Variants in HAND2 observed in about 807,000 individuals in gnomAD.
The protein encoded by HAND2 is heart and neural crest derivatives expressed 2.
A neutral mutation model predicts 14.7 loss-of-function variants in HAND2; 2 were observed. That is an observed-to-expected ratio of 0.14 (90% CI 0.06 to 0.43). The LOEUF is 0.43. Ranked by LOEUF, HAND2 falls within the 20% of genes least tolerant of loss-of-function variation. The pLI is 0.99. For missense variants in HAND2, 275 were observed against 313.6 expected (o/e 0.88, Z 0.93); for synonymous variants, 162 against 135.9 (o/e 1.19, Z -1.34).
Position 173,527,235 on chromosome 4 carries a change from C to G in HAND2, c.*42G>C, listed in dbSNP as rs778857884. The G allele has an allele frequency of 2.2e-6, 3 of 1,375,508 alleles. No individual in the cohort carries two copies. Among genetic ancestry groups the G allele is most frequent in the South Asian group, 2.3e-5 (2 of 86,668 alleles). 85.2% of individuals were successfully genotyped at this position (1,375,508 alleles called of 1,614,324 possible). A position where few individuals can be genotyped will look rare whatever the true frequency, so the allele number is the denominator to read the frequency against. ...CTGGGTCTGCATCTGGCGCCTTGGC[C>G]CCTGCTCACTCGCGCTCTCCTCCTC... is the stretch of plus-strand genomic sequence containing the variant. On this transcript the variant is annotated 3_prime_UTR_variant, in exon 2 of 2. Transcript: ENST00000359562.
Position 173,527,091 on chromosome 4 carries a change from G to T in HAND2, c.*186C>A. On this transcript the variant is annotated 3_prime_UTR_variant, in exon 2 of 2. Transcript: ENST00000359562. ...CCACTTTTTTTTTGGAGGGGGAGAC[G>T]GGGAGCAGATGCCTCAAAGGGGGTC... The T allele has an allele frequency of 1.4e-6, 1 of 700,584 alleles. No homozygotes were observed. The highest frequency in any genetic ancestry group is 1.5e-5 in the South Asian group (1 of 66,902). The allele number at this position is 700,584 out of a possible 1,614,324, so 43.4% of individuals were successfully genotyped here.
In HAND2 at chr4:173,529,109, C is replaced by T. The variant is rs1731607195; in HGVS notation, c.181G>A (p.Ala61Thr). 3 of 1,499,532 alleles carry T rather than the reference C, an allele frequency of 2.0e-6. No individual in the cohort carries two copies. The highest frequency in any genetic ancestry group is 5.0e-5 in the Admixed American group (2 of 40,230). 92.9% of individuals were successfully genotyped at this position (1,499,532 alleles called of 1,614,324 possible). A position where few individuals can be genotyped will look rare whatever the true frequency, so the allele number is the denominator to read the frequency against. The change falls in exon 1 of 2, where the codon GCC becomes ACC. Residue 61 changes from alanine (A) to threonine (T), a missense_variant. Ala to Thr is a moderately conservative substitution (Grantham distance 58). Transcript: ENST00000359562. ...GCATACTCGGGGCTGTAGGACAGGGCCATGCTGTAGTCGGGGGGCGACATC... is the reference window on the plus strand; with the variant it reads ...GCATACTCGGGGCTGTAGGACAGGGTCATGCTGTAGTCGGGGGGCGACATC... The part of the protein sequence containing the change: ...PEMSPPDYSM[A>T]LSYSPEYASG...
rs1731627752 is a variant in HAND2 at position 173,529,392 on chromosome 4, AC to A, written c.-104del. On this transcript the variant is annotated 5_prime_UTR_variant, in exon 1 of 2. Transcript: ENST00000359562. ...CGCTCGGCGTCCTCCCCCACCCCCC[AC>A]CCCCCAGCCCCCGGGCGCCCGGGCC... The A allele has an allele frequency of 1.5e-5, 10 of 688,246 alleles. No homozygotes were observed. Among genetic ancestry groups the A allele is most frequent in the East Asian group, 1.1e-4 (2 of 17,966 alleles). The allele number at this position is 688,246 out of a possible 1,614,324, so 42.6% of individuals were successfully genotyped here. A position where few individuals can be genotyped will look rare whatever the true frequency, so the allele number is the denominator to read the frequency against.
At position 173,529,373 on chromosome 4, in the gene HAND2, G is replaced by T; in HGVS notation, c.-84C>A. 2 of 1,079,056 alleles carry T rather than the reference G, an allele frequency of 1.9e-6. No individual in the cohort carries two copies. The highest frequency in any genetic ancestry group is 2.3e-6 in the Non-Finnish European group (2 of 858,784). The allele number at this position is 1,079,056 out of a possible 1,614,324, so 66.8% of individuals were successfully genotyped here. ...GCCCGGGCCCCTGCCTCAGCGCTCG[G>T]CGTCCTCCCCCACCCCCCACCCCCC... On this transcript the variant is annotated 5_prime_UTR_variant, in exon 1 of 2. Coordinates refer to ENST00000359562, the MANE Select transcript of HAND2 (RefSeq NM_021973.3).
chr4:173,528,940 C>T lies in HAND2; in HGVS notation c.350G>A (p.Ser117Asn), dbSNP rs1162160014. ...GCACTCGCGCAGTTCGGCGAAGGCG[C>T]TGTTGATGCTCTGAGTCCTGCGCCG... ...KERRRTQSINSAFAELRECIP... is the reference protein window; with the variant it reads ...KERRRTQSINNAFAELRECIP... Residue 117 changes from serine to asparagine, a missense_variant, in exon 1 of 2, where the codon AGC (serine) becomes AAC (asparagine). By Grantham distance (46) the Ser-to-Asn change is conservative. This residue lies in a region of HAND2 where 34 missense variants were observed against 77.9 expected (regional missense o/e 0.44). Transcript: ENST00000359562. This position sits in a 1 kb window ranked among gnomAD's most constrained non-coding sequence, Gnocchi z 5.6. The T allele has an allele frequency of 1.2e-6, 2 of 1,613,986 alleles. No individual in the cohort carries two copies. The highest frequency in any genetic ancestry group is 1.1e-5 in the South Asian group (1 of 91,074).
At position 173,528,781 on chromosome 4, in the gene HAND2, T is replaced by C; in HGVS notation, c.509A>G (p.Glu170Gly). Residue 170 changes from glutamate to glycine, a missense_variant, in exon 1 of 2, where the codon GAG (glutamate) becomes GGG (glycine). This residue lies in a region of HAND2 where 54 missense variants were observed against 54.3 expected (regional missense o/e 0.99). Coordinates refer to ENST00000359562, the MANE Select transcript of HAND2 (RefSeq NM_021973.3). This position sits in a 1 kb window ranked among gnomAD's most constrained non-coding sequence, Gnocchi z 5.6. ...QNGEAEAFKA[E>G]IKKTDVKEEK... is the part of the protein sequence containing the mutation. Reference sequence around the variant, plus strand: ...CTCTTTCACGTCGGTCTTCTTGATCTCTGCCTTGAAGGCCTCCGCCTCGCC... The same window carrying C: ...CTCTTTCACGTCGGTCTTCTTGATCCCTGCCTTGAAGGCCTCCGCCTCGCC... 6.2e-7 allele frequency: 1 copy of C among 1,614,206 alleles called. No homozygotes were observed. Among genetic ancestry groups the C allele is most frequent in the African/African-American group, 1.3e-5 (1 of 75,070 alleles).
Position 173,526,781 on chromosome 4 carries a change from C to T in HAND2, c.*496G>A, listed in dbSNP as rs1731464795. The T allele has an allele frequency of 2.8e-6, 1 of 354,434 alleles. No homozygotes were observed. The highest frequency in any genetic ancestry group is 5.6e-6 in the Non-Finnish European group (1 of 180,026). The allele number at this position is 354,434 out of a possible 1,614,324, so 22.0% of individuals were successfully genotyped here. On this transcript the variant is annotated 3_prime_UTR_variant, in exon 2 of 2. Coordinates refer to ENST00000359562, the MANE Select transcript of HAND2 (RefSeq NM_021973.3). Reference sequence around the variant, plus strand: ...GAATGGATAGCACTAGATACCGACCCCAACGGAAATGTTAGCGGCCCTGTT... The same window carrying T: ...GAATGGATAGCACTAGATACCGACCTCAACGGAAATGTTAGCGGCCCTGTT...
At position 173,529,379 on chromosome 4, in the gene HAND2, TCCCCCAC is replaced by T. The variant is rs1303375987; in HGVS notation, c.-97_-91del. ...GCCCCTGCCTCAGCGCTCGGCGTCC[TCCCCCAC>T]CCCCCACCCCCCAGCCCCCGGGCGC... On this transcript the variant is annotated 5_prime_UTR_variant, in exon 1 of 2. Transcript: ENST00000359562. 4 of 903,686 alleles carry T rather than the reference TCCCCCAC, an allele frequency of 4.4e-6. No individual in the cohort carries two copies. Among genetic ancestry groups the T allele is most frequent in the Middle Eastern group, 4.2e-4 (1 of 2,406 alleles). The allele number at this position is 903,686 out of a possible 1,614,324, so 56.0% of individuals were successfully genotyped here.
Position 173,529,372 on chromosome 4 carries a change from G to A in HAND2, c.-83C>T. ...GGCCCGGGCCCCTGCCTCAGCGCTC[G>A]GCGTCCTCCCCCACCCCCCACCCCC... is the stretch of plus-strand genomic sequence containing the variant. On this transcript the variant is annotated 5_prime_UTR_variant, in exon 1 of 2. Transcript: ENST00000359562. 3 of 1,085,160 alleles carry A rather than the reference G, an allele frequency of 2.8e-6. No individual in the cohort carries two copies. The highest frequency in any genetic ancestry group is 3.5e-6 in the Non-Finnish European group (3 of 864,312). 67.2% of individuals were successfully genotyped at this position (1,085,160 alleles called of 1,614,324 possible). A position where few individuals can be genotyped will look rare whatever the true frequency, so the allele number is the denominator to read the frequency against.
Position 173,528,964 on chromosome 4 carries a change from C to G in HAND2, c.326G>C (p.Arg109Pro). Reference protein sequence around the residue: ...KRRGTANRKERRRTQSINSAF... With the variant: ...KRRGTANRKEPRRTQSINSAF... Reference sequence around the variant, plus strand: ...GCTGTTGATGCTCTGAGTCCTGCGCCGCTCCTTGCGGTTGGCGGTGCCTCG... The same window carrying G: ...GCTGTTGATGCTCTGAGTCCTGCGCGGCTCCTTGCGGTTGGCGGTGCCTCG... Residue 109 changes from arginine to proline, a missense_variant, in exon 1 of 2, where the codon CGG becomes CCG. Coordinates refer to ENST00000359562, the MANE Select transcript of HAND2 (RefSeq NM_021973.3). This position sits in a 1 kb window ranked among gnomAD's most constrained non-coding sequence, Gnocchi z 5.6. 2.5e-6 allele frequency: 4 copies of G among 1,613,610 alleles called. No individual in the cohort carries two copies. Among genetic ancestry groups the G allele is most frequent in the Non-Finnish European group, 3.4e-6 (4 of 1,179,824 alleles).
rs761855385 is a variant in HAND2, at chr4:173,528,980, C to A, written c.310G>T (p.Ala104Ser). 1.9e-6 allele frequency: 3 copies of A among 1,611,652 alleles called. No individual in the cohort carries two copies. Among genetic ancestry groups the A allele is most frequent in the African/African-American group, 1.3e-5 (1 of 74,686 alleles). The change falls in exon 1 of 2, where the codon GCC becomes TCC. Residue 104 changes from alanine to serine, a missense_variant. By Grantham distance (99) the Ala-to-Ser change is moderately conservative. Around this residue, in one of 4 missense-constraint regions of HAND2, gnomAD observed 34 missense variants for 77.9 expected, o/e 0.44. Transcript: ENST00000359562. This position sits in a 1 kb window ranked among gnomAD's most constrained non-coding sequence, Gnocchi z 5.6. ...GTCCTGCGCCGCTCCTTGCGGTTGGCGGTGCCTCGGCGCTTCACCGGGCGC... is the reference window on the plus strand; with the variant it reads ...GTCCTGCGCCGCTCCTTGCGGTTGGAGGTGCCTCGGCGCTTCACCGGGCGC... ...GPRPVKRRGT[A>S]NRKERRRTQS...
Position 173,528,698 on chromosome 4 carries a change from C to G in HAND2, c.555+37G>C, listed in dbSNP as rs1374652497. 1.9e-6 allele frequency: 3 copies of G among 1,591,984 alleles called. No homozygotes were observed. In the African/African-American group the frequency reaches 4.0e-5, roughly 21 times the overall value. On this transcript the variant is annotated intron_variant, in intron 1 of 1. Transcript: ENST00000359562. This position sits in a 1 kb window ranked among gnomAD's most constrained non-coding sequence, Gnocchi z 5.6. ...GGCCGGGAGCACCAGTTCCCTGACCCCCTCAGCCCCACCGCCTGCCGCCCC... is the reference window on the plus strand; with the variant it reads ...GGCCGGGAGCACCAGTTCCCTGACCGCCTCAGCCCCACCGCCTGCCGCCCC...
In HAND2 at chr4:173,527,191, G is replaced by A. The variant is rs1462594733; in HGVS notation, c.*86C>T. 1 of 858,332 alleles carries A rather than the reference G, an allele frequency of 1.2e-6. No homozygotes were observed. The highest frequency in any genetic ancestry group is 2.0e-6 in the Non-Finnish European group (1 of 501,780). 53.2% of individuals were successfully genotyped at this position (858,332 alleles called of 1,614,324 possible). On this transcript the variant is annotated 3_prime_UTR_variant, in exon 2 of 2. Coordinates refer to ENST00000359562, the MANE Select transcript of HAND2 (RefSeq NM_021973.3). Reference sequence around the variant, plus strand: ...GCAAGGAGTCCTCAGAGCGGAGCGCGGACGGCTTTTCCGGAGTCCTGGGTC... The same window carrying A: ...GCAAGGAGTCCTCAGAGCGGAGCGCAGACGGCTTTTCCGGAGTCCTGGGTC...
chr4:173,529,390 C>A lies in HAND2; in HGVS notation c.-101G>T. The A allele has an allele frequency of 2.6e-5, 23 of 890,286 alleles. No individual in the cohort carries two copies. The highest frequency in any genetic ancestry group is 3.3e-5 in the Non-Finnish European group (23 of 700,720). The allele number at this position is 890,286 out of a possible 1,614,324, so 55.1% of individuals were successfully genotyped here. A position where few individuals can be genotyped will look rare whatever the true frequency, so the allele number is the denominator to read the frequency against. ...AGCGCTCGGCGTCCTCCCCCACCCC[C>A]CACCCCCCAGCCCCCGGGCGCCCGG... On this transcript the variant is annotated 5_prime_UTR_variant, in exon 1 of 2. Coordinates refer to ENST00000359562, the MANE Select transcript of HAND2 (RefSeq NM_021973.3).
At chr4:173,527,669 T>G (rs1731501189) in intron 1 of HAND2, 1 of 418,274 alleles carries the variant, frequency 2.4e-6, no homozygotes, top group African/African-American at 2.0e-5. Context: ...TTACTCCAGA[T>G]GTAGGGGCGG....
chr4:173,527,250 C>A lies in HAND2; in HGVS notation c.*27G>T. 6.6e-7 allele frequency: 1 copy of A among 1,510,800 alleles called. No homozygotes were observed. Among genetic ancestry groups the A allele is most frequent in the Non-Finnish European group, 9.2e-7 (1 of 1,090,838 alleles). The allele number at this position is 1,510,800 out of a possible 1,614,324, so 93.6% of individuals were successfully genotyped here. A position where few individuals can be genotyped will look rare whatever the true frequency, so the allele number is the denominator to read the frequency against. On this transcript the variant is annotated 3_prime_UTR_variant, in exon 2 of 2. Coordinates refer to ENST00000359562, the MANE Select transcript of HAND2 (RefSeq NM_021973.3). ...GCGCCTTGGCCCCTGCTCACTCGCGCTCTCCTCCTCCTCCTTCTCCTCCTC... is the reference window on the plus strand; with the variant it reads ...GCGCCTTGGCCCCTGCTCACTCGCGATCTCCTCCTCCTCCTTCTCCTCCTC...
At chr4:173,527,529 C>G in intron 1 of HAND2, 154 bp from the exon 2 acceptor site, 1 of 705,508 alleles carries the variant, frequency 1.4e-6, no homozygotes, top group Non-Finnish European at 2.6e-6. Context: ...TGCAGAGAAG[C>G]TACCAAGGTT....
rs997977100 is a variant in HAND2, at chr4:173,527,121, A to T, written c.*156T>A. 10 of 706,582 alleles carry T rather than the reference A, an allele frequency of 1.4e-5. No individual in the cohort carries two copies. In the Admixed American group the frequency reaches 2.0e-4, roughly 14 times the overall value. 43.8% of individuals were successfully genotyped at this position (706,582 alleles called of 1,614,324 possible). ...GCAGATGCCTCAAAGGGGGTCAAAG[A>T]GAGGGGAAGGAAATTGCACATAAAT... is the stretch of plus-strand genomic sequence containing the variant. On this transcript the variant is annotated 3_prime_UTR_variant, in exon 2 of 2. Coordinates refer to ENST00000359562, the MANE Select transcript of HAND2 (RefSeq NM_021973.3).
Position 173,526,110 on chromosome 4 carries a change from T to C in HAND2, c.*1167A>G, listed in dbSNP as rs970623436. On this transcript the variant is annotated 3_prime_UTR_variant, in exon 2 of 2. Transcript: ENST00000359562. ...TTTTTTTTCTTGGATGAAAGCCCCA[T>C]AGTTTGAATTAAACACCCCAGACTA... 1 of 151,826 alleles carries C rather than the reference T, an allele frequency of 6.6e-6. No individual in the cohort carries two copies. The highest frequency in any genetic ancestry group is 1.9e-4 in the East Asian group (1 of 5,168). 9.4% of individuals were successfully genotyped at this position (151,826 alleles called of 1,614,324 possible).
Sources: allele counts gnomAD v4.1 joint callset, GRCh38; gene constraint gnomAD v4.1.1; regional missense constraint gnomAD v4.1.1; non-coding constraint Gnocchi (gnomAD v3.1); transcripts MANE v1.5; gene names NCBI Gene and HGNC (gene_info 2026-07-23, HGNC 2026-07-21).